Variants in RRM2B observed in about 807,000 individuals in gnomAD.
RRM2B encodes ribonucleoside-diphosphate reductase subunit M2 B.
A neutral mutation model predicts 45.9 loss-of-function variants in RRM2B; 20 were observed. That is an observed-to-expected ratio of 0.44 (90% CI 0.31 to 0.63). The LOEUF (loss-of-function observed/expected upper bound fraction) is 0.63. Among genes scored for constraint, RRM2B ranks in the 30% least tolerant of loss-of-function variants. The pLI, the probability that RRM2B is intolerant of heterozygous loss-of-function variation, is 0.09. For missense variants in RRM2B, 320 were observed against 414.7 expected, an observed-to-expected ratio of 0.77 and a Z score of 1.98; for synonymous variants, 124 against 132.3, an observed-to-expected ratio of 0.94 and a Z score of 0.43.
chr8:102,224,303 T>A (rs1221461766), intron 4 of RRM2B, among the ~76,000 whole-genome samples, 163 bp from the exon 5 acceptor site: 1 of 151,880 alleles, frequency 6.6e-6, no homozygotes, highest in Non-Finnish European at 1.5e-5. Context: ...TGCCTCAGCC[T>A]CCCGAGTAGC....
At chr8:102,218,683 G>T in intron 6 of RRM2B, 131 bp downstream of exon 6, 2 of 724,368 alleles carry the variant, frequency 2.8e-6, no homozygotes, top group Non-Finnish European at 4.6e-6. Context: ...CCATGATCGT[G>T]CCACTGTATG....
chr8:102,236,142 G>GATCT (rs1320719841), intron 1 of RRM2B, among the ~76,000 whole-genome samples: 1 of 152,196 alleles, frequency 6.6e-6, no homozygotes, highest in East Asian at 1.9e-4. Flanking sequence ...TAAAGCAAAG[G>GATCT]ATCTAGACTC....
chr8:102,227,818 C>CAG (rs918078503), intron 2 of RRM2B, among the ~76,000 whole-genome samples: 74 of 151,950 alleles, frequency 4.9e-4, no homozygotes, highest in African/African-American at 1.6e-3. Context: ...CCTGACATAG[C>CAG]AGAGAGAGAG....
chr8:102,228,548 T>G (rs970744712), intron 2 of RRM2B, among the ~76,000 whole-genome samples: 1 of 152,244 alleles, frequency 6.6e-6, no homozygotes, highest in Non-Finnish European at 1.5e-5. Flanking sequence ...CGTTAAAACT[T>G]AAGCCATCTG....
chr8:102,211,821 CA>C (rs1052522932), intron 8 of RRM2B, among the ~76,000 whole-genome samples: 7 of 151,752 alleles, frequency 4.6e-5, no homozygotes, highest in South Asian at 2.1e-4. Flanking sequence ...TTTATCTTAC[CA>C]AAAAAACCTA....
At chr8:102,210,768 A>G (rs1810621830) in intron 8 of RRM2B, among the ~76,000 whole-genome samples, 1 of 151,660 alleles carries the variant, frequency 6.6e-6, no homozygotes, top group South Asian at 2.1e-4. Flanking sequence ...CAGCCTTATT[A>G]TTATTTTTAT....
chr8:102,227,669 G>A (rs1304332275), intron 2 of RRM2B, among the ~76,000 whole-genome samples: 1 of 152,070 alleles, frequency 6.6e-6, no homozygotes, highest in African/African-American at 2.4e-5. Flanking sequence ...CCATTGACTG[G>A]GTTGCTTAAA....
chr8:102,211,023 A>C (rs1480202022), intron 8 of RRM2B, among the ~76,000 whole-genome samples: 6 of 151,306 alleles, frequency 4.0e-5, no homozygotes, highest in Admixed American at 1.3e-4. Flanking sequence ...AGAGAGAGAG[A>C]GCGAGAGAGA....
intron 5 of RRM2B, among the ~76,000 whole-genome samples, chr8:102,220,398 T>C (rs1002237518): frequency 2.0e-5 from 3 of 152,234 alleles, no homozygotes; most frequent in Non-Finnish European, 2.9e-5. Context: ...GAAAGTAGAC[T>C]ATAATTAAAT....
rs922763050 is a variant in RRM2B at position 102,233,582 on chromosome 8, G to C, written c.49-1278C>G. ...TTTAACATAGGACCACAATACATCAGTGAGACAACCCAATAACCATTAAAA... is the reference window on the plus strand; with the variant it reads ...TTTAACATAGGACCACAATACATCACTGAGACAACCCAATAACCATTAAAA... On this transcript the variant is annotated intron_variant, in intron 1 of 8. Coordinates refer to ENST00000251810, the MANE Select transcript of RRM2B (RefSeq NM_015713.5). Among the ~76,000 whole-genome samples the C allele has an allele frequency of 9.9e-5, 15 of 152,266 alleles. No homozygotes were observed. The East Asian group carries it at 2.5e-3, about 25-fold the overall frequency.
chr8:102,228,146 C>T (rs1207318868), intron 2 of RRM2B, among the ~76,000 whole-genome samples: 2 of 152,134 alleles, frequency 1.3e-5, no homozygotes, highest in African/African-American at 4.8e-5. Flanking sequence ...GCTCTACCAG[C>T]AGAGAAGAGG....
At chr8:102,225,701 A>C (rs904946080) in intron 3 of RRM2B, among the ~76,000 whole-genome samples, 2 of 152,220 alleles carry the variant, frequency 1.3e-5, no homozygotes, top group Admixed American at 6.5e-5. Flanking sequence ...ATGTTAATGC[A>C]CTGTAAATAG....
At position 102,205,636 on chromosome 8, in the gene RRM2B, T is replaced by A. The variant is rs750126555; in HGVS notation, c.*2497A>T. On this transcript the variant is annotated 3_prime_UTR_variant, in exon 9 of 9. Coordinates refer to ENST00000251810, the MANE Select transcript of RRM2B (RefSeq NM_015713.5). ...CAAGTTTTTATATTCCTAATGAACT[T>A]AACTTTATTATAGCAATGATTTAAA... is the stretch of plus-strand genomic sequence containing the variant. The A allele has an allele frequency of 1.2e-4, 18 of 152,262 alleles. No individual in the cohort carries two copies. The highest frequency in any genetic ancestry group is 2.1e-4 in the Non-Finnish European group (14 of 67,970). 9.4% of individuals were successfully genotyped at this position (152,262 alleles called of 1,614,324 possible). A position where few individuals can be genotyped will look rare whatever the true frequency, so the allele number is the denominator to read the frequency against.
intron 6 of RRM2B, among the ~76,000 whole-genome samples, chr8:102,218,510 G>A (rs1252679164): frequency 6.6e-6 from 1 of 152,108 alleles, no homozygotes; most frequent in Non-Finnish European, 1.5e-5. Flanking sequence ...TTGAGGCCAG[G>A]AGTTCAAGAC....
chr8:102,223,271 T>C (rs1810866147), intron 5 of RRM2B, among the ~76,000 whole-genome samples: 2 of 152,342 alleles, frequency 1.3e-5, no homozygotes, highest in South Asian at 2.1e-4. Context: ...TGTTTGCATT[T>C]AGCTTACCTA....
chr8:102,212,639 C>G, intron 8 of RRM2B, 137 bp downstream of exon 8: 1 of 579,342 alleles, frequency 1.7e-6, no homozygotes, highest in Non-Finnish European at 3.1e-6. Context: ...AAACCTTGTT[C>G]ATACAAAACA....
At chr8:102,220,966 C>T (rs909450708) in intron 5 of RRM2B, among the ~76,000 whole-genome samples, 2 of 151,948 alleles carry the variant, frequency 1.3e-5, no homozygotes, top group Non-Finnish European at 2.9e-5. Flanking sequence ...AGGGGAAAGT[C>T]GGATACATTT....
intron 1 of RRM2B, among the ~76,000 whole-genome samples, chr8:102,232,681 T>A (rs1344480388): frequency 6.6e-6 from 1 of 151,688 alleles, no homozygotes; most frequent in East Asian, 1.9e-4. Flanking sequence ...ATGGGCAAAT[T>A]TCTAAGTTTG....
chr8:102,215,944 C>CAAAAAAAA (rs60059243), intron 6 of RRM2B, among the ~76,000 whole-genome samples: 1,436 of 75,528 alleles, frequency 0.019, 28 homozygotes, highest in Admixed American at 0.033. Flanking sequence ...GACCCTGTCT[C>CAAAAAAAA]AAAAAAAAAA....
Sources: gnomAD v4.1 joint callset for allele counts (sites outside exome capture counted in the v4.1 genomes callset) on GRCh38, gnomAD v4.1.1 for gene constraint, MANE v1.5 for transcripts, NCBI Gene and HGNC (gene_info 2026-07-23, HGNC 2026-07-21) for gene names.